Variants in KLHL1 observed in about 807,000 individuals in gnomAD.
KLHL1 encodes kelch like family member 1.
KLHL1 carries 47 observed loss-of-function variants against 77.7 expected under a neutral mutation model. The observed-to-expected ratio is 0.60, with a 90% CI of 0.48 to 0.77. The LOEUF (loss-of-function observed/expected upper bound fraction) is 0.77, where lower values mean the gene tolerates loss of function less well. Among genes scored for constraint, KLHL1 ranks in the 30% least tolerant of loss-of-function variants. KLHL1 has a pLI of 0.00. For missense variants in KLHL1, 925 were observed against 910.8 expected (o/e 1.02, Z -0.20); for synonymous variants, 360 against 325.2 (o/e 1.11, Z -1.15).
chr13:70,043,915 C>G (rs1886436512), intron 1 of KLHL1, among the ~76,000 whole-genome samples: 1 of 152,176 alleles, frequency 6.6e-6, no homozygotes, highest in Non-Finnish European at 1.5e-5. Context: ...GACTCATCAT[C>G]TCTCAATCAC....
intron 2 of KLHL1, among the ~76,000 whole-genome samples, chr13:69,974,023 T>G (rs1255088141): frequency 1.3e-5 from 2 of 152,074 alleles, no homozygotes; most frequent in East Asian, 3.9e-4. Flanking sequence ...CCCCTGGTCT[T>G]CTTTAGGTGG....
chr13:70,075,569 G>GTATATATA lies in KLHL1; in HGVS notation c.497+31626_497+31633dup, dbSNP rs1555295388. Among the ~76,000 whole-genome samples, 641 of 106,638 alleles carry GTATATATA rather than the reference G, an allele frequency of 6.0e-3. 19 individuals are homozygous for GTATATATA. Among genetic ancestry groups the GTATATATA allele is most frequent in the African/African-American group, 0.022 (594 of 27,310 alleles). 70.0% of individuals were successfully genotyped at this position (106,638 alleles called of 152,430 possible). On this transcript the variant is annotated intron_variant, in intron 1 of 10. Coordinates refer to ENST00000377844, the MANE Select transcript of KLHL1 (RefSeq NM_020866.3). ...TATATATACCTGTGTGTGTGTATGT[G>GTATATATA]TATATATATATATATATATACACAC...
chr13:69,724,137 G>C (rs961377219), intron 8 of KLHL1, among the ~76,000 whole-genome samples: 9 of 151,988 alleles, frequency 5.9e-5, no homozygotes, highest in African/African-American at 2.2e-4. Context: ...GCCTGGCTAC[G>C]TGTCAGAAAA....
intron 4 of KLHL1, among the ~76,000 whole-genome samples, chr13:69,893,514 G>A (rs1034962403): frequency 1.7e-4 from 26 of 152,272 alleles, no homozygotes; most frequent in African/African-American, 3.8e-4. Flanking sequence ...GATTACAGGC[G>A]TGAGCTACAT....
At position 69,778,671 on chromosome 13, in the gene KLHL1, G is replaced by A. The variant is rs578222286; in HGVS notation, c.1639+18067C>T. Among the ~76,000 whole-genome samples the A allele has an allele frequency of 1.3e-3, 190 of 151,642 alleles. 2 individuals are homozygous for A. Among genetic ancestry groups the A allele is most frequent in the African/African-American group, 4.4e-3 (184 of 41,378 alleles). Reference sequence around the variant, plus strand: ...AGGTAAAAGCTTGATTAGTGAATAAGAAACAAGGCACAAAATCTCTATAAC... The same window carrying A: ...AGGTAAAAGCTTGATTAGTGAATAAAAAACAAGGCACAAAATCTCTATAAC... On this transcript the variant is annotated intron_variant, in intron 7 of 10. Transcript: ENST00000377844.
Position 69,953,899 on chromosome 13 carries a change from A to T in KLHL1, c.817+7409T>A, listed in dbSNP as rs561975752. Among the ~76,000 whole-genome samples, 20 of 151,398 alleles carry T rather than the reference A, an allele frequency of 1.3e-4. 1 individual carries two copies. The South Asian group carries it at 4.2e-3, about 31-fold the overall frequency. On this transcript the variant is annotated intron_variant, in intron 3 of 10. Transcript: ENST00000377844. ...ATAAAATCACACATTATGAATAATC[A>T]TCATAATTGAGTGTTTGCTGCATGC...
At chr13:69,884,377 A>C (rs17085594) in intron 4 of KLHL1, among the ~76,000 whole-genome samples, 7,224 of 150,406 alleles carry the variant, frequency 0.048, 419 homozygotes, top group African/African-American at 0.14. Context: ...ATAACTGTTC[A>C]GGTAATTAAC....
chr13:69,786,828 T>C (rs1429222356), intron 7 of KLHL1, among the ~76,000 whole-genome samples: 2 of 152,168 alleles, frequency 1.3e-5, no homozygotes, highest in Non-Finnish European at 2.9e-5. Context: ...ACAAAATCAA[T>C]GTACAAAAAT....
intron 7 of KLHL1, among the ~76,000 whole-genome samples, chr13:69,760,219 T>A (rs1361957424): frequency 6.6e-6 from 1 of 152,108 alleles, no homozygotes; most frequent in East Asian, 1.9e-4. Flanking sequence ...CTAGACTCAG[T>A]ATGGATAACT....
chr13:69,911,408 GT>G (rs1260950461), intron 4 of KLHL1, among the ~76,000 whole-genome samples: 1 of 151,936 alleles, frequency 6.6e-6, no homozygotes, highest in Non-Finnish European at 1.5e-5. Flanking sequence ...GAAGTGGTTA[GT>G]TTACATTCTT....
At chr13:69,721,064 T>TATAG in intron 8 of KLHL1, among the ~76,000 whole-genome samples, 1 of 53,958 alleles carries the variant, frequency 1.9e-5, no homozygotes, top group African/African-American at 4.5e-5. Context: ...GCTACTAAGA[T>TATAG]ATATATATAT....
At chr13:69,982,688 A>G (rs1231840777) in intron 1 of KLHL1, among the ~76,000 whole-genome samples, 3 of 151,838 alleles carry the variant, frequency 2.0e-5, no homozygotes, top group Non-Finnish European at 4.4e-5. Flanking sequence ...GATTAGCTGA[A>G]TGGATACACT....
At chr13:69,906,897 T>C (rs909281443) in intron 4 of KLHL1, among the ~76,000 whole-genome samples, 1 of 151,956 alleles carries the variant, frequency 6.6e-6, no homozygotes, top group African/African-American at 2.4e-5. Flanking sequence ...CTTTCTCAGT[T>C]TTTAGGACTA....
intron 3 of KLHL1, among the ~76,000 whole-genome samples, chr13:69,947,303 C>A (rs1365647027): frequency 2.0e-5 from 3 of 151,864 alleles, no homozygotes; most frequent in Admixed American, 6.6e-5. Context: ...GGTGTTCAGG[C>A]AAATGGTGTA....
chr13:69,936,833 A>G (rs912873550), intron 4 of KLHL1, among the ~76,000 whole-genome samples: 2 of 152,130 alleles, frequency 1.3e-5, no homozygotes, highest in Non-Finnish European at 2.9e-5. Flanking sequence ...AAGACACTGC[A>G]TTCCTCAAGA....
At chr13:70,004,396 G>A (rs1039440389) in intron 1 of KLHL1, among the ~76,000 whole-genome samples, 1 of 151,750 alleles carries the variant, frequency 6.6e-6, no homozygotes, top group South Asian at 2.1e-4. Context: ...AGATTATGTT[G>A]CTTTTAGCTA....
chr13:70,106,265 C>A (rs1888053928), intron 1 of KLHL1, among the ~76,000 whole-genome samples: 2 of 151,858 alleles, frequency 1.3e-5, no homozygotes, highest in African/African-American at 4.8e-5. Flanking sequence ...TCCTATATTT[C>A]TCCTGTAGTT....
Position 69,975,724 on chromosome 13 carries a change from A to C in KLHL1, c.576T>G (p.Val192=). 1.2e-6 allele frequency: 2 copies of C among 1,613,618 alleles called. No individual in the cohort carries two copies. The highest frequency in any genetic ancestry group is 1.7e-6 in the Non-Finnish European group (2 of 1,179,774). ...SSSSEEFYQA[V]HHAEQTFRKM... ...TTCTGAAGGTTTGCTCAGCATGATG[A>C]ACAGCTTGATAGAATTCTTCAGAGC... Residue 192 remains valine, a synonymous_variant, in exon 2 of 11, where the codon GTT becomes GTG. Coordinates refer to ENST00000377844, the MANE Select transcript of KLHL1 (RefSeq NM_020866.3).
chr13:69,913,926 C>G (rs1436344756), intron 4 of KLHL1, among the ~76,000 whole-genome samples: 1 of 152,188 alleles, frequency 6.6e-6, no homozygotes, highest in African/African-American at 2.4e-5. Context: ...CTGGGAAAGG[C>G]AGACCCACCC....
Sources: allele counts gnomAD v4.1 joint callset (sites outside exome capture counted in the v4.1 genomes callset), GRCh38; gene constraint gnomAD v4.1.1; transcripts MANE v1.5; gene names NCBI Gene and HGNC (gene_info 2026-07-23, HGNC 2026-07-21).